The following RBM41 variants were observed in gnomAD, a reference collection of about 807,000 sequenced individuals.
RBM41 encodes RNA binding motif protein 41.
RBM41 carries 14 observed loss-of-function variants against 30.8 expected under a neutral mutation model. That is an observed-to-expected ratio of 0.45 (90% CI 0.30 to 0.71). RBM41 has a LOEUF of 0.71. RBM41 is among the 30% of genes least tolerant of loss of function. The pLI is 0.08. For synonymous variants in RBM41, 120 were observed against 110.1 expected (o/e 1.09, Z -0.56); for missense variants, 276 against 326.3 (o/e 0.85, Z 1.19).
chrX:107,098,678 G>A (rs1285556), intron 5 of RBM41, among the ~76,000 whole-genome samples: 5,968 of 111,363 alleles, frequency 0.054, 403 homozygotes, highest in African/African-American at 0.19. Flanking sequence ...AAATGTGAAA[G>A]GCAAAAAACA....
chrX:107,115,610 G>T, intron 3 of RBM41, 54 bp from the exon 4 acceptor site: 1 of 1,046,653 alleles, frequency 9.6e-7, no homozygotes. Flanking sequence ...ACCTGAACAT[G>T]ATGATCTGGT....
At chrX:107,076,471 C>G (rs967547716) in intron 6 of RBM41, among the ~76,000 whole-genome samples, 1 of 110,201 alleles carries the variant, frequency 9.1e-6, no homozygotes. Flanking sequence ...TGAAATAAGC[C>G]AGTTGCAGGA....
Position 107,115,434 on chromosome X carries a change from C to G in RBM41, c.441G>C (p.Leu147=), listed in dbSNP as rs976521914. The change falls in exon 4 of 8, where the codon CTG becomes CTC. Residue 147 remains leucine, a synonymous_variant. Coordinates refer to ENST00000685964, the MANE Select transcript of RBM41 (RefSeq NM_001324242.2). ...LPQRFAKSKQ[L]TRREMEIEKS... ...TTTCTATTTCCATTTCTCGCCGGGTCAGCTGTTTGCTCTTTGCAAATCTCT... is the reference window on the plus strand; with the variant it reads ...TTTCTATTTCCATTTCTCGCCGGGTGAGCTGTTTGCTCTTTGCAAATCTCT... The G allele has an allele frequency of 8.3e-7, 1 of 1,211,862 alleles. No homozygotes were observed. Among genetic ancestry groups the G allele is most frequent in the African/African-American group, 1.7e-5 (1 of 57,838 alleles).
intron 6 of RBM41, chrX:107,069,691 G>A (rs1278347856): frequency 5.8e-6 from 1 of 172,743 alleles, no homozygotes; most frequent in East Asian, 1.3e-4. Context: ...CCAAACTCAG[G>A]TGATCCACCC....
intron 6 of RBM41, among the ~76,000 whole-genome samples, chrX:107,072,813 A>G (rs903873287): frequency 9.0e-6 from 1 of 111,500 alleles, no homozygotes; most frequent in Non-Finnish European, 1.9e-5. Flanking sequence ...TGTGGAACAG[A>G]ATAGGGAACT....
chrX:107,113,263 T>C, intron 5 of RBM41, 134 bp downstream of exon 5: 3 of 756,012 alleles, frequency 4.0e-6, no homozygotes, highest in Non-Finnish European at 5.1e-6. Context: ...ATATTCTGTA[T>C]CAGGATAATA....
chrX:107,116,396 T>C (rs749823605), intron 2 of RBM41, among the ~76,000 whole-genome samples: 2 of 112,054 alleles, frequency 1.8e-5, no homozygotes, highest in African/African-American at 6.5e-5. Flanking sequence ...AATGATAATA[T>C]TGGGTTACAA....
chrX:107,060,564 C>A (rs1298559769), downstream of RBM41, among the ~76,000 whole-genome samples: 10 of 111,727 alleles, frequency 9.0e-5, no homozygotes, highest in Admixed American at 5.7e-4. Flanking sequence ...ACACCTTGAT[C>A]TTGGACTTCT....
chrX:107,105,854 T>C (rs1262681587), intron 5 of RBM41, among the ~76,000 whole-genome samples: 1 of 111,515 alleles, frequency 9.0e-6, no homozygotes, highest in Non-Finnish European at 1.9e-5. Context: ...TTACACCTTA[T>C]ACAAAAATTA....
intron 5 of RBM41, among the ~76,000 whole-genome samples, chrX:107,108,323 G>A (rs758879885): frequency 9.0e-6 from 1 of 111,689 alleles, no homozygotes; most frequent in Non-Finnish European, 1.9e-5. Flanking sequence ...GTAGCTATTA[G>A]GACTTGTTTG....
In RBM41 at chrX:107,063,538, A is replaced by T. The variant is rs947808204; in HGVS notation, c.*3989T>A. Among the ~76,000 whole-genome samples, 3 of 112,313 alleles carry T rather than the reference A, an allele frequency of 2.7e-5. No homozygotes were observed. The highest frequency in any genetic ancestry group is 5.6e-5 in the Non-Finnish European group (3 of 53,226). ...AACTCATTTAACCTATTTACTTGAT[A>T]TAGGTTTATTCAAGTTTTCTACTTC... is the stretch of plus-strand genomic sequence containing the variant. On this transcript the variant is annotated 3_prime_UTR_variant, in exon 8 of 8. Coordinates refer to ENST00000685964, the MANE Select transcript of RBM41 (RefSeq NM_001324242.2).
intron 5 of RBM41, among the ~76,000 whole-genome samples, chrX:107,111,132 G>A (rs1602615325): frequency 9.0e-6 from 1 of 111,257 alleles, no homozygotes; most frequent in African/African-American, 3.3e-5. Flanking sequence ...GAAAATATTT[G>A]CAAGTCATAT....
At chrX:107,076,694 TAA>T (rs751890227) in intron 6 of RBM41, among the ~76,000 whole-genome samples, 4 of 111,208 alleles carry the variant, frequency 3.6e-5, no homozygotes, top group Non-Finnish European at 5.7e-5. Flanking sequence ...AAAAATTTGT[TAA>T]GAGGATAGAT....
chrX:107,108,115 C>G (rs183154736), intron 5 of RBM41, among the ~76,000 whole-genome samples: 46 of 111,401 alleles, frequency 4.1e-4, no homozygotes, highest in South Asian at 1.5e-3. Flanking sequence ...TGTGTAAGGA[C>G]AAACATGGAT....
chrX:107,067,185 A>C lies in RBM41; in HGVS notation c.*342T>G. The C allele has an allele frequency of 1.3e-6, 1 of 770,167 alleles. No individual in the cohort carries two copies. The highest frequency in any genetic ancestry group is 1.5e-6 in the Non-Finnish European group (1 of 648,493). 63.5% of individuals were successfully genotyped at this position (770,167 alleles called of 1,213,427 possible). ...TATTTCTGTGTATACGAAGCAGTCT[A>C]AGAAAGAATGTTATCTCTAGAGACA... On this transcript the variant is annotated 3_prime_UTR_variant, in exon 8 of 8. Coordinates refer to ENST00000685964, the MANE Select transcript of RBM41 (RefSeq NM_001324242.2).
At chrX:107,087,087 T>G (rs1157451906) in intron 6 of RBM41, among the ~76,000 whole-genome samples, 1 of 111,237 alleles carries the variant, frequency 9.0e-6, no homozygotes, top group Non-Finnish European at 1.9e-5. Flanking sequence ...CTGGAAAGGA[T>G]AAAGGAGAAT....
At chrX:107,057,911 C>T (rs190836666), downstream of RBM41, among the ~76,000 whole-genome samples, 7 of 111,855 alleles carry the variant, frequency 6.3e-5, no homozygotes, top group African/African-American at 2.3e-4. Context: ...GTGATCTGAG[C>T]AGGCATTTCT....
At position 107,063,390 on chromosome X, in the gene RBM41, C is replaced by T. The variant is rs1358021630; in HGVS notation, c.*4137G>A. Among the ~76,000 whole-genome samples the T allele has an allele frequency of 2.7e-5, 3 of 112,192 alleles. No homozygotes were observed. The Admixed American group carries it at 2.8e-4, about 11-fold the overall frequency. On this transcript the variant is annotated 3_prime_UTR_variant, in exon 8 of 8. Transcript: ENST00000685964. Reference sequence around the variant, plus strand: ...TTGTAGTATGTGTCAGAAGTGTTCACCACTCTTCTACTTTTTGAAAAAGTT... The same window carrying T: ...TTGTAGTATGTGTCAGAAGTGTTCATCACTCTTCTACTTTTTGAAAAAGTT...
Position 107,068,607 on chromosome X carries a change from G to C in RBM41, c.1147+648C>G, listed in dbSNP as rs72618351. 2.4e-3 allele frequency among the ~76,000 whole-genome samples: 269 copies of C among 110,891 alleles called. 8 individuals are homozygous for C. In the East Asian group the frequency reaches 0.057, roughly 23 times the overall value. ...GTATGAAAACAATGGAGGGGAGTTT[G>C]GCAGTATTCATGTGTAAAACCACTT... On this transcript the variant is annotated intron_variant, in intron 7 of 7. Transcript: ENST00000685964.
Sources: allele counts gnomAD v4.1 joint callset (sites outside exome capture counted in the v4.1 genomes callset), GRCh38; gene constraint gnomAD v4.1.1; transcripts MANE v1.5; gene names NCBI Gene and HGNC (gene_info 2026-07-23, HGNC 2026-07-21).